The following ELAPOR2 variants were observed in gnomAD, a reference collection of about 807,000 sequenced individuals.
The protein encoded by ELAPOR2 is endosome/lysosome-associated apoptosis and autophagy regulator family member 2.
A neutral mutation model predicts 120.7 loss-of-function variants in ELAPOR2; 89 were observed. The observed-to-expected ratio is 0.74, with a 90% CI of 0.62 to 0.88. ELAPOR2 has a LOEUF of 0.88. Ranked by LOEUF, ELAPOR2 falls within the 40% of genes least tolerant of loss-of-function variation. The pLI is 0.00. For synonymous variants in ELAPOR2, 444 were observed against 444.9 expected (o/e 1.00, Z 0.03); for missense variants, 1,134 against 1,251.6 (o/e 0.91, Z 1.42).
At chr7:87,025,480 C>T (rs1027058850) in intron 1 of ELAPOR2, among the ~76,000 whole-genome samples, 1 of 152,044 alleles carries the variant, frequency 6.6e-6, no homozygotes, top group African/African-American at 2.4e-5. Flanking sequence ...TGGAGTCCAG[C>T]AGAAAGCAAG....
chr7:86,932,677 C>T (rs1790381087), intron 8 of ELAPOR2, among the ~76,000 whole-genome samples: 1 of 151,940 alleles, frequency 6.6e-6, no homozygotes. Context: ...CTGTTTTTAA[C>T]CATGAACAGC....
intron 2 of ELAPOR2, among the ~76,000 whole-genome samples, chr7:86,956,703 A>T (rs556147354): frequency 6.6e-6 from 1 of 152,334 alleles, no homozygotes; most frequent in East Asian, 1.9e-4. Flanking sequence ...AATGTATTTT[A>T]TTGCAGCTTC....
At chr7:86,897,444 G>A in intron 19 of ELAPOR2, 62 bp downstream of exon 19, 1 of 1,558,422 alleles carries the variant, frequency 6.4e-7, no homozygotes, top group South Asian at 1.2e-5. Context: ...GAGTTTCTAT[G>A]ATTTGATGCC....
At chr7:86,952,625 T>C (rs1015053817) in intron 2 of ELAPOR2, among the ~76,000 whole-genome samples, 1 of 152,172 alleles carries the variant, frequency 6.6e-6, no homozygotes, top group African/African-American at 2.4e-5. Flanking sequence ...TCCTAAAACA[T>C]GCATTAAAAA....
intron 8 of ELAPOR2, among the ~76,000 whole-genome samples, chr7:86,929,714 T>C (rs1162128705): frequency 6.6e-6 from 1 of 151,882 alleles, no homozygotes. Context: ...TAGATTTCTG[T>C]CCCCATGCAA....
chr7:86,879,312 T>C lies in ELAPOR2; in HGVS notation c.*1159A>G, dbSNP rs1799290537. 6.6e-6 allele frequency: 1 copy of C among 152,190 alleles called. No individual in the cohort carries two copies. The highest frequency in any genetic ancestry group is 2.1e-4 in the South Asian group (1 of 4,838). 9.4% of individuals were successfully genotyped at this position (152,190 alleles called of 1,614,324 possible). On this transcript the variant is annotated 3_prime_UTR_variant, in exon 22 of 22. Transcript: ENST00000450689. ...TAGCCCACCATAGAAAATATCACAATTATCTGGATCACTTTTGAATAAGAA... is the reference window on the plus strand; with the variant it reads ...TAGCCCACCATAGAAAATATCACAACTATCTGGATCACTTTTGAATAAGAA...
At chr7:86,898,473 A>G (rs1788549542) in intron 18 of ELAPOR2, among the ~76,000 whole-genome samples, 1 of 147,092 alleles carries the variant, frequency 6.8e-6, no homozygotes, top group South Asian at 2.2e-4. Context: ...ACTGAATTAT[A>G]TGCTTTAAAT....
At chr7:86,930,128 T>C (rs1218954640) in intron 8 of ELAPOR2, among the ~76,000 whole-genome samples, 1 of 151,956 alleles carries the variant, frequency 6.6e-6, no homozygotes, top group African/African-American at 2.4e-5. Context: ...CATGGAAATT[T>C]AACATTTTAC....
chr7:86,885,075 A>G (rs1400641975), intron 21 of ELAPOR2, among the ~76,000 whole-genome samples: 1 of 152,152 alleles, frequency 6.6e-6, no homozygotes, highest in Non-Finnish European at 1.5e-5. Context: ...AAACTGATCC[A>G]AAGGACTCTA....
chr7:86,951,154 T>G (rs956439304), intron 2 of ELAPOR2, among the ~76,000 whole-genome samples: 1 of 152,184 alleles, frequency 6.6e-6, no homozygotes, highest in Non-Finnish European at 1.5e-5. Context: ...AAATAAAGTT[T>G]TATTGAAACC....
intron 1 of ELAPOR2, among the ~76,000 whole-genome samples, chr7:87,036,026 C>A (rs1794577275): frequency 6.6e-6 from 1 of 152,160 alleles, no homozygotes; most frequent in Non-Finnish European, 1.5e-5. Flanking sequence ...AGATATTAAG[C>A]ACAAAAGTAT....
chr7:87,003,316 G>A (rs1793375715), intron 1 of ELAPOR2, among the ~76,000 whole-genome samples: 1 of 152,056 alleles, frequency 6.6e-6, no homozygotes, highest in Non-Finnish European at 1.5e-5. Context: ...TGACATTATG[G>A]CTTGGGATCT....
chr7:87,028,379 C>T (rs908507845), intron 1 of ELAPOR2, among the ~76,000 whole-genome samples: 1 of 152,140 alleles, frequency 6.6e-6, no homozygotes, highest in Non-Finnish European at 1.5e-5. Flanking sequence ...TCAACACTTT[C>T]TTTATTTGAC....
chr7:86,991,812 T>C (rs1196355606), intron 1 of ELAPOR2, among the ~76,000 whole-genome samples: 2 of 152,194 alleles, frequency 1.3e-5, no homozygotes, highest in Non-Finnish European at 2.9e-5. Context: ...CATGTGACAG[T>C]CAGCAAGACA....
chr7:86,941,887 A>C (rs147088282), intron 5 of ELAPOR2, 131 bp downstream of exon 5: 280 of 565,960 alleles, frequency 4.9e-4, no homozygotes, highest in Non-Finnish European at 8.0e-4. Flanking sequence ...GTTAATTTTG[A>C]TATTTTTTCT....
chr7:87,047,973 C>T (rs770397561), intron 1 of ELAPOR2, among the ~76,000 whole-genome samples: 25 of 152,084 alleles, frequency 1.6e-4, no homozygotes, highest in Non-Finnish European at 2.9e-4. Context: ...CGGCTGGGTG[C>T]GGTGGCTCAT....
intron 10 of ELAPOR2, among the ~76,000 whole-genome samples, chr7:86,923,880 C>A (rs1023342877): frequency 1.3e-5 from 2 of 152,076 alleles, no homozygotes; most frequent in African/African-American, 4.8e-5. Context: ...CAAATTTTAG[C>A]ACATGAAGAT....
At chr7:87,040,760 G>A (rs1277340217) in intron 1 of ELAPOR2, among the ~76,000 whole-genome samples, 1 of 152,264 alleles carries the variant, frequency 6.6e-6, no homozygotes, top group Non-Finnish European at 1.5e-5. Context: ...AAAGCTGGAT[G>A]GAGAATGACT....
At chr7:86,950,724 G>A (rs565615806) in intron 2 of ELAPOR2, among the ~76,000 whole-genome samples, 33 of 152,332 alleles carry the variant, frequency 2.2e-4, no homozygotes, top group African/African-American at 7.9e-4. Flanking sequence ...GTGGGACCCA[G>A]GCCAGTAGAG....
Sources: gnomAD v4.1 joint callset for allele counts (sites outside exome capture counted in the v4.1 genomes callset) on GRCh38, gnomAD v4.1.1 for gene constraint, MANE v1.5 for transcripts, NCBI Gene and HGNC (gene_info 2026-07-23, HGNC 2026-07-21) for gene names.